SEMA6D: variants seen among roughly 807,000 people sequenced by gnomAD.
The protein encoded by SEMA6D is semaphorin 6D.
In SEMA6D, 35 loss-of-function variants were observed where a neutral mutation model predicts 106.6. The observed-to-expected ratio is 0.33, with a 90% CI of 0.25 to 0.44. SEMA6D has a LOEUF of 0.44. SEMA6D is among the 20% of genes least tolerant of loss of function. The pLI, the probability that SEMA6D is intolerant of heterozygous loss-of-function variation, is 1.00. For synonymous variants in SEMA6D, 499 were observed against 487.7 expected (o/e 1.02, Z -0.31); for missense variants, 1,185 against 1,345.9 (o/e 0.88, Z 1.87).
At chr15:47,486,125 A>G (rs1454776101) in intron 3 of SEMA6D, among the ~76,000 whole-genome samples, 3 of 152,224 alleles carry the variant, frequency 2.0e-5, no homozygotes, top group Non-Finnish European at 4.4e-5. Flanking sequence ...GTGACCAGAC[A>G]TAAGAACTCA....
Position 47,217,874 on chromosome 15 carries a change from T to TACACACACACACACAC in SEMA6D, c.-239+33473_-239+33488dup, listed in dbSNP as rs150525483. 1.7e-3 allele frequency among the ~76,000 whole-genome samples: 250 copies of TACACACACACACACAC among 143,126 alleles called. 2 individuals carry two copies. The highest frequency in any genetic ancestry group is 5.6e-3 in the African/African-American group (217 of 38,418). 93.9% of individuals were successfully genotyped at this position (143,126 alleles called of 152,430 possible). On this transcript the variant is annotated intron_variant, in intron 1 of 19. Transcript: ENST00000558014. Reference sequence around the variant, plus strand: ...TGCTTCCTGCTTGCATGTACACACATACACACACACACACACACACACACA... The same window carrying TACACACACACACACAC: ...TGCTTCCTGCTTGCATGTACACACATACACACACACACACACACACACACACACACACACACACACA...
At chr15:47,355,315 A>G (rs567695289) in intron 1 of SEMA6D, among the ~76,000 whole-genome samples, 2 of 152,354 alleles carry the variant, frequency 1.3e-5, no homozygotes, top group South Asian at 4.1e-4. Flanking sequence ...CATGCAGATG[A>G]TAACTTTACC....
At chr15:47,661,136 G>A (rs954705335) in intron 4 of SEMA6D, among the ~76,000 whole-genome samples, 6 of 152,092 alleles carry the variant, frequency 3.9e-5, no homozygotes, top group African/African-American at 1.4e-4. Context: ...CCTGACAGGC[G>A]TCTTCTTCCC....
chr15:47,710,979 T>C (rs1255178764), intron 4 of SEMA6D, among the ~76,000 whole-genome samples: 1 of 152,210 alleles, frequency 6.6e-6, no homozygotes, highest in African/African-American at 2.4e-5. Context: ...ACTTGGTTGC[T>C]GGGGCCAACC....
At chr15:47,411,256 C>T (rs7183005) in intron 1 of SEMA6D, among the ~76,000 whole-genome samples, 6 of 152,004 alleles carry the variant, frequency 3.9e-5, no homozygotes, top group South Asian at 4.2e-4. Flanking sequence ...CCACCACGCC[C>T]GGCTAATTTT....
chr15:47,258,280 A>G (rs1190719213), intron 1 of SEMA6D, among the ~76,000 whole-genome samples: 1 of 152,138 alleles, frequency 6.6e-6, no homozygotes, highest in African/African-American at 2.4e-5. Context: ...TTAGAACCGA[A>G]TATATTTTGA....
At chr15:47,613,652 A>ATT (rs567690440) in intron 4 of SEMA6D, among the ~76,000 whole-genome samples, 5 of 149,036 alleles carry the variant, frequency 3.4e-5, no homozygotes, top group Non-Finnish European at 6.0e-5. Context: ...TTATTTTTTA[A>ATT]TTTTTTTTTT....
chr15:47,554,201 C>G (rs2045851079), intron 3 of SEMA6D, among the ~76,000 whole-genome samples: 1 of 152,210 alleles, frequency 6.6e-6, no homozygotes, highest in Non-Finnish European at 1.5e-5. Flanking sequence ...TGGGCAGGAT[C>G]TGAACTCAGA....
At chr15:47,479,856 C>T (rs1596107154) in intron 3 of SEMA6D, among the ~76,000 whole-genome samples, 1 of 147,112 alleles carries the variant, frequency 6.8e-6, no homozygotes, top group Non-Finnish European at 1.5e-5. Context: ...TCACTATTTT[C>T]TTATCATTCT....
intron 1 of SEMA6D, among the ~76,000 whole-genome samples, chr15:47,203,932 A>C (rs1442112599): frequency 6.6e-6 from 1 of 152,224 alleles, no homozygotes; most frequent in East Asian, 1.9e-4. Context: ...TTTAAACAGA[A>C]AATATCCATG....
At chr15:47,445,563 T>A (rs749926945) in intron 2 of SEMA6D, among the ~76,000 whole-genome samples, 2 of 152,118 alleles carry the variant, frequency 1.3e-5, no homozygotes, top group Admixed American at 6.6e-5. Flanking sequence ...GTTTGAACTC[T>A]ATACTTTTGA....
At chr15:47,299,569 A>G (rs2035938472) in intron 1 of SEMA6D, among the ~76,000 whole-genome samples, 1 of 152,228 alleles carries the variant, frequency 6.6e-6, no homozygotes, top group South Asian at 2.1e-4. Context: ...TGAACATTTT[A>G]AAAGTAAATT....
chr15:47,773,798 C>T lies in SEMA6D; in HGVS notation c.*2013C>T, dbSNP rs1385543262. 6.6e-6 allele frequency: 1 copy of T among 152,600 alleles called. No homozygotes were observed. Among genetic ancestry groups the T allele is most frequent in the Admixed American group, 6.5e-5 (1 of 15,278 alleles). 9.5% of individuals were successfully genotyped at this position (152,600 alleles called of 1,614,324 possible). On this transcript the variant is annotated 3_prime_UTR_variant, in exon 19 of 19. Coordinates refer to ENST00000536845, the MANE Select transcript of SEMA6D (RefSeq NM_001358351.3). The stretch of plus-strand genomic sequence containing the variant: ...TTAAACCAACCAATGATAAACACTA[C>T]TCAGTCCACCAACAACAAACGTGTT...
intron 3 of SEMA6D, among the ~76,000 whole-genome samples, chr15:47,498,106 ACAAT>A (rs547449386): frequency 2.0e-3 from 298 of 152,300 alleles, no homozygotes; most frequent in African/African-American, 7.0e-3. Flanking sequence ...CTAAAATGTG[ACAAT>A]CATTGTTTTC....
chr15:47,199,333 C>T (rs528003785), intron 1 of SEMA6D, among the ~76,000 whole-genome samples: 1 of 152,234 alleles, frequency 6.6e-6, no homozygotes, highest in East Asian at 1.9e-4. Context: ...ATTCACAATA[C>T]ATTTCCAGCA....
At chr15:47,737,819 G>C (rs889695351) in intron 1 of SEMA6D, among the ~76,000 whole-genome samples, 21 of 152,210 alleles carry the variant, frequency 1.4e-4, no homozygotes, top group African/African-American at 4.6e-4. Flanking sequence ...TTTTCTAAGT[G>C]TGTGTTGTGT....
chr15:47,396,418 C>A, intron 1 of SEMA6D: 2 of 152,974 alleles, frequency 1.3e-5, no homozygotes, highest in South Asian at 3.6e-4. Context: ...CAGTACGTGT[C>A]CCAAAATCTC....
rs1763611302 is a variant in SEMA6D at position 47,772,805 on chromosome 15, C to CCT, written c.*1021_*1022insTC. Reference sequence around the variant, plus strand: ...TTTTATTTTGATTGTGTTCGTTTCCCCCCCCCCAATAGTAAAATTTCTCCT... The same window carrying CCT: ...TTTTATTTTGATTGTGTTCGTTTCCCCTCCCCCCCAATAGTAAAATTTCTCCT... On this transcript the variant is annotated 3_prime_UTR_variant, in exon 19 of 19. Coordinates refer to ENST00000536845, the MANE Select transcript of SEMA6D (RefSeq NM_001358351.3). The CCT allele has an allele frequency of 9.1e-6, 1 of 109,960 alleles. No individual in the cohort carries two copies. The highest frequency in any genetic ancestry group is 3.6e-4 in the East Asian group (1 of 2,766). The allele number at this position is 109,960 out of a possible 1,614,324, so 6.8% of individuals were successfully genotyped here.
At chr15:47,501,867 G>T (rs1468830588) in intron 3 of SEMA6D, among the ~76,000 whole-genome samples, 1 of 113,352 alleles carries the variant, frequency 8.8e-6, no homozygotes, top group Non-Finnish European at 1.7e-5. Context: ...GTTTTGTTTT[G>T]TTTTGTTTTG....
Sources: gnomAD v4.1 joint callset for allele counts (sites outside exome capture counted in the v4.1 genomes callset) on GRCh38, gnomAD v4.1.1 for gene constraint, MANE v1.5 for transcripts, NCBI Gene and HGNC (gene_info 2026-07-23, HGNC 2026-07-21) for gene names.